The following CFAP299 variants were observed in gnomAD, a reference collection of about 807,000 sequenced individuals.
CFAP299 encodes the protein cilia and flagella associated protein 299, also known as cilia- and flagella-associated protein 299.
CFAP299 carries 21 observed loss-of-function variants against 27.0 expected under a neutral mutation model. That is an observed-to-expected ratio of 0.78 (90% CI 0.55 to 1.12). The LOEUF is 1.12. Among genes scored for constraint, CFAP299 ranks in the 50% most tolerant of loss-of-function variants. CFAP299 has a pLI of 0.00. For synonymous variants in CFAP299, 104 were observed against 98.1 expected (o/e 1.06, Z -0.36); for missense variants, 310 against 276.6 (o/e 1.12, Z -0.86).
intron 2 of CFAP299, among the ~76,000 whole-genome samples, chr4:80,488,568 G>A (rs1415032518): frequency 6.6e-6 from 1 of 150,846 alleles, no homozygotes. Flanking sequence ...TCTCCTCCCA[G>A]GTTCATGCCA....
rs573820965 is a variant in CFAP299 at position 80,778,517 on chromosome 4, T to C, written c.334-91476T>C. 9.9e-5 allele frequency among the ~76,000 whole-genome samples: 15 copies of C among 152,222 alleles called. No individual in the cohort carries two copies. The East Asian group carries it at 2.7e-3, about 27-fold the overall frequency. On this transcript the variant is annotated intron_variant, in intron 3 of 5. Transcript: ENST00000358105. ...AATTCTACTGGCAGTTAAACTGAGT[T>C]TGTTTTGTTTTGTAGAAAATTACTG...
At chr4:80,630,161 T>C (rs1048993605) in intron 3 of CFAP299, among the ~76,000 whole-genome samples, 1 of 152,158 alleles carries the variant, frequency 6.6e-6, no homozygotes, top group African/African-American at 2.4e-5. Context: ...CCAACATACT[T>C]TGAACTGACC....
chr4:80,587,053 C>T (rs1306458683), intron 3 of CFAP299, among the ~76,000 whole-genome samples: 10 of 152,132 alleles, frequency 6.6e-5, no homozygotes, highest in East Asian at 1.9e-4. Context: ...CATAAGATTG[C>T]GTTGTATATG....
chr4:80,473,727 C>T (rs1189351714), intron 2 of CFAP299, among the ~76,000 whole-genome samples: 1 of 152,058 alleles, frequency 6.6e-6, no homozygotes, highest in Non-Finnish European at 1.5e-5. Flanking sequence ...TGCACCACCA[C>T]ACCTGGCTAA....
chr4:80,489,803 ATTTTGT>A (rs1220554621), intron 2 of CFAP299, among the ~76,000 whole-genome samples: 1 of 152,126 alleles, frequency 6.6e-6, no homozygotes, highest in Admixed American at 6.5e-5. Context: ...ACTAATTATA[ATTTTGT>A]TTTTGTTGAC....
chr4:80,963,575 C>G lies in CFAP299; in HGVS notation c.665C>G (p.Ala222Gly). The G allele has an allele frequency of 6.2e-7, 1 of 1,607,698 alleles. No individual in the cohort carries two copies. Among genetic ancestry groups the G allele is most frequent in the South Asian group, 1.1e-5 (1 of 90,144 alleles). Residue 222 changes from alanine to glycine, a missense_variant, in exon 6 of 6, where the codon GCT becomes GGT. Physicochemically the swap from Ala to Gly is moderately conservative, Grantham distance 60. Transcript: ENST00000358105. ...ATCCTGACAGAACTCTACGTACAAG[C>G]TGTCATTTTTGACCACATTTCCAGA... ...ITILTELYVQ[A>G]VIFDHISRRK...
In CFAP299 at chr4:80,540,018, G is replaced by A. The variant is rs1210220268; in HGVS notation, c.243-43075G>A. Reference sequence around the variant, plus strand: ...TAGTATTTTGTGTAAAAACTGTGGAGTCTGTAAAAGCTGCGCTGTCTTAGT... The same window carrying A: ...TAGTATTTTGTGTAAAAACTGTGGAATCTGTAAAAGCTGCGCTGTCTTAGT... On this transcript the variant is annotated intron_variant, in intron 2 of 5. Transcript: ENST00000358105. 2.3e-5 allele frequency among the ~76,000 whole-genome samples: 3 copies of A among 132,298 alleles called. No individual in the cohort carries two copies. The South Asian group carries it at 7.5e-4, about 33-fold the overall frequency. The allele number at this position is 132,298 out of a possible 152,430, so 86.8% of individuals were successfully genotyped here. A position where few individuals can be genotyped will look rare whatever the true frequency, so the allele number is the denominator to read the frequency against.
intron 5 of CFAP299, among the ~76,000 whole-genome samples, chr4:80,949,416 A>G (rs1737647127): frequency 6.6e-6 from 1 of 152,114 alleles, no homozygotes. Context: ...TGGTGAAGGG[A>G]GAGCATTGGA....
At chr4:80,627,227 C>T (rs772927406) in intron 3 of CFAP299, among the ~76,000 whole-genome samples, 9 of 151,666 alleles carry the variant, frequency 5.9e-5, no homozygotes, top group Non-Finnish European at 1.3e-4. Flanking sequence ...ATTACATGAA[C>T]AGAATGAAGG....
Position 80,667,523 on chromosome 4 carries a change from A to G in CFAP299, c.333+84340A>G, listed in dbSNP as rs150373961. Reference sequence around the variant, plus strand: ...CCTCAACCTTTCCTGTCCTCTGGTCACCACCAATCTACTGTCTTCCTTCAT... The same window carrying G: ...CCTCAACCTTTCCTGTCCTCTGGTCGCCACCAATCTACTGTCTTCCTTCAT... On this transcript the variant is annotated intron_variant, in intron 3 of 5. Coordinates refer to ENST00000358105, the MANE Select transcript of CFAP299 (RefSeq NM_152770.3). Among the ~76,000 whole-genome samples the G allele has an allele frequency of 1.3e-4, 20 of 152,204 alleles. 1 individual carries two copies. In the East Asian group the frequency reaches 3.3e-3, roughly 25 times the overall value.
intron 3 of CFAP299, among the ~76,000 whole-genome samples, chr4:80,638,210 T>C (rs1489368322): frequency 3.3e-5 from 5 of 152,144 alleles, no homozygotes; most frequent in Non-Finnish European, 7.4e-5. Flanking sequence ...TGCAGGCCCT[T>C]TTCACAGTGC....
At chr4:80,775,553 ACT>A (rs1253233159) in intron 3 of CFAP299, among the ~76,000 whole-genome samples, 3 of 152,042 alleles carry the variant, frequency 2.0e-5, no homozygotes, top group Admixed American at 6.6e-5. Flanking sequence ...ATGAGAACAC[ACT>A]CTTCAGGTTT....
chr4:80,694,079 G>T (rs1242628490), intron 3 of CFAP299, among the ~76,000 whole-genome samples: 2 of 152,064 alleles, frequency 1.3e-5, no homozygotes, highest in East Asian at 3.9e-4. Context: ...AAAACCTTTG[G>T]TGTTTCTGGC....
At chr4:80,800,990 C>T (rs1006613398) in intron 3 of CFAP299, among the ~76,000 whole-genome samples, 9 of 151,326 alleles carry the variant, frequency 5.9e-5, no homozygotes, top group African/African-American at 1.5e-4. Context: ...TGTTTTTCTG[C>T]CTGCTTTATA....
chr4:80,705,805 C>T (rs756995262), intron 3 of CFAP299, among the ~76,000 whole-genome samples: 24 of 151,814 alleles, frequency 1.6e-4, no homozygotes, highest in Non-Finnish European at 3.1e-4. Context: ...ACCTACTCAA[C>T]GGTATTACTG....
intron 2 of CFAP299, among the ~76,000 whole-genome samples, chr4:80,538,306 A>C (rs1444517261): frequency 6.6e-6 from 1 of 152,170 alleles, no homozygotes; most frequent in Non-Finnish European, 1.5e-5. Context: ...TTATTTAAAA[A>C]GAGTTAAAAA....
At chr4:80,668,832 T>A (rs1253744230) in intron 3 of CFAP299, among the ~76,000 whole-genome samples, 1 of 152,124 alleles carries the variant, frequency 6.6e-6, no homozygotes, top group Non-Finnish European at 1.5e-5. Context: ...ATTTTAGGAT[T>A]TTTTTCTACT....
chr4:80,370,010 G>C (rs1724053943), intron 2 of CFAP299, among the ~76,000 whole-genome samples: 1 of 152,140 alleles, frequency 6.6e-6, no homozygotes, highest in Non-Finnish European at 1.5e-5. Flanking sequence ...AAAGAAAAGA[G>C]GTTTAATTGG....
At chr4:80,392,094 C>G (rs1391463524) in intron 2 of CFAP299, among the ~76,000 whole-genome samples, 1 of 152,190 alleles carries the variant, frequency 6.6e-6, no homozygotes, top group Admixed American at 6.5e-5. Flanking sequence ...ACAGGCCTTT[C>G]TTTGGCCTGT....
Sources: allele counts gnomAD v4.1 joint callset (sites outside exome capture counted in the v4.1 genomes callset), GRCh38; gene constraint gnomAD v4.1.1; transcripts MANE v1.5; gene names NCBI Gene and HGNC (gene_info 2026-07-23, HGNC 2026-07-21).